Variants in THEMIS observed in about 807,000 individuals in gnomAD.
The protein encoded by THEMIS is protein THEMIS.
A neutral mutation model predicts 52.6 loss-of-function variants in THEMIS; 37 were observed. That is an observed-to-expected ratio of 0.70 (90% CI 0.54 to 0.93). THEMIS has a LOEUF of 0.93. Ranked by LOEUF, THEMIS falls within the 40% of genes least tolerant of loss-of-function variation. The pLI is 0.00. For missense variants in THEMIS, 808 were observed against 763.1 expected (o/e 1.06, Z -0.69); for synonymous variants, 292 against 272.7 (o/e 1.07, Z -0.70).
chr6:127,889,338 T>C (rs985060016), intron 1 of THEMIS, among the ~76,000 whole-genome samples: 1 of 152,070 alleles, frequency 6.6e-6, no homozygotes, highest in Non-Finnish European at 1.5e-5. Context: ...ATGAACACCA[T>C]TTTTTTCCTC....
intron 4 of THEMIS, among the ~76,000 whole-genome samples, chr6:127,732,195 T>A (rs912117319): frequency 1.3e-5 from 2 of 151,990 alleles, no homozygotes; most frequent in African/African-American, 4.8e-5. Context: ...GTGGCTAATA[T>A]CACATAACAT....
chr6:127,890,729 A>T (rs952632729), intron 1 of THEMIS, among the ~76,000 whole-genome samples: 3 of 152,138 alleles, frequency 2.0e-5, no homozygotes, highest in Non-Finnish European at 4.4e-5. Flanking sequence ...ATTAATTTAA[A>T]AACTAGCTAG....
chr6:127,718,969 C>T (rs112211672), intron 5 of THEMIS, among the ~76,000 whole-genome samples: 6 of 151,322 alleles, frequency 4.0e-5, no homozygotes, highest in Non-Finnish European at 7.4e-5. Context: ...AGCTACAAAA[C>T]CAAATAAGGA....
intron 1 of THEMIS, among the ~76,000 whole-genome samples, chr6:127,909,559 C>T (rs1781359933): frequency 6.6e-6 from 1 of 152,136 alleles, no homozygotes; most frequent in Non-Finnish European, 1.5e-5. Context: ...AACTGTGAAT[C>T]AATTAAACCT....
chr6:127,803,405 T>G (rs1037003769), intron 4 of THEMIS, among the ~76,000 whole-genome samples: 28 of 152,186 alleles, frequency 1.8e-4, no homozygotes, highest in African/African-American at 6.3e-4. Context: ...TTTCTTTTTT[T>G]TCTAAATTTT....
At chr6:127,870,747 C>G (rs1780131802) in intron 1 of THEMIS, among the ~76,000 whole-genome samples, 1 of 152,076 alleles carries the variant, frequency 6.6e-6, no homozygotes, top group African/African-American at 2.4e-5. Flanking sequence ...CAGAGAAAAA[C>G]ATTACATAAT....
chr6:127,886,972 G>C (rs1305093759), intron 1 of THEMIS, among the ~76,000 whole-genome samples: 1 of 151,894 alleles, frequency 6.6e-6, no homozygotes, highest in African/African-American at 2.4e-5. Context: ...TCTCAGGTTA[G>C]GTAACATGAT....
intron 2 of THEMIS, among the ~76,000 whole-genome samples, chr6:127,839,088 C>A (rs1413470306): frequency 6.6e-6 from 1 of 151,944 alleles, no homozygotes; most frequent in Non-Finnish European, 1.5e-5. Flanking sequence ...GTGATTTTTA[C>A]AATTACTCTC....
chr6:127,735,241 G>A (rs999615447), intron 4 of THEMIS, among the ~76,000 whole-genome samples: 1 of 151,820 alleles, frequency 6.6e-6, no homozygotes, highest in Admixed American at 6.6e-5. Context: ...AATGCGGGGC[G>A]TCTAACCTTT....
At chr6:127,853,142 C>T (rs896593329) in intron 2 of THEMIS, among the ~76,000 whole-genome samples, 2 of 151,610 alleles carry the variant, frequency 1.3e-5, no homozygotes, top group African/African-American at 4.8e-5. Context: ...GATTCTGCCT[C>T]AGCAAACTTG....
chr6:127,833,556 C>T (rs1778771751), intron 2 of THEMIS, among the ~76,000 whole-genome samples: 1 of 152,168 alleles, frequency 6.6e-6, no homozygotes, highest in Admixed American at 6.5e-5. Flanking sequence ...GCATGTATGA[C>T]TTACAAGGAC....
At chr6:127,706,461 A>G (rs565532330), downstream of THEMIS, among the ~76,000 whole-genome samples, 1 of 152,234 alleles carries the variant, frequency 6.6e-6, no homozygotes, top group East Asian at 1.9e-4. Context: ...TTGAGTTCTC[A>G]TATTCCTAAC....
intron 4 of THEMIS, among the ~76,000 whole-genome samples, chr6:127,765,630 T>G (rs1045189735): frequency 2.6e-5 from 4 of 152,128 alleles, no homozygotes; most frequent in Admixed American, 2.6e-4. Context: ...CAATGGTGAT[T>G]CCATAAGATT....
At chr6:127,739,057 T>G (rs1313378915) in intron 4 of THEMIS, among the ~76,000 whole-genome samples, 3 of 152,170 alleles carry the variant, frequency 2.0e-5, no homozygotes, top group Non-Finnish European at 4.4e-5. Context: ...ATCTTCACAT[T>G]GACTTTTCTG....
intron 5 of THEMIS, among the ~76,000 whole-genome samples, chr6:127,712,827 A>G (rs527833102): frequency 5.9e-4 from 90 of 152,064 alleles, no homozygotes; most frequent in Middle Eastern, 3.4e-3. Flanking sequence ...ATAAAATTAC[A>G]TGGGTAATTA....
intron 1 of THEMIS, among the ~76,000 whole-genome samples, chr6:127,870,000 C>A (rs180786236): frequency 2.4e-4 from 37 of 152,266 alleles, no homozygotes; most frequent in African/African-American, 5.1e-4. Flanking sequence ...TGGGTGGTGT[C>A]AGAAAAGGCA....
rs144597143 is a variant in THEMIS at position 127,859,489 on chromosome 6, G to GT, written c.92-4302dup. ...TACCTCCCCCACAGCTAGTAAAACA[G>GT]TTTTTTTTATCACTTATTAGATGAT... On this transcript the variant is annotated intron_variant, in intron 1 of 5. Coordinates refer to ENST00000368248, the MANE Select transcript of THEMIS (RefSeq NM_001010923.3). Among the ~76,000 whole-genome samples the GT allele has an allele frequency of 5.9e-3, 890 of 151,900 alleles. 10 individuals are homozygous for GT. The highest frequency in any genetic ancestry group is 5.1e-3 in the Non-Finnish European group (345 of 67,938).
intron 4 of THEMIS, among the ~76,000 whole-genome samples, chr6:127,786,341 A>T (rs962086181): frequency 6.6e-6 from 1 of 152,224 alleles, no homozygotes; most frequent in Admixed American, 6.5e-5. Flanking sequence ...AACATTATCA[A>T]CTGCTATGGT....
At chr6:127,880,571 T>C (rs568544443) in intron 1 of THEMIS, among the ~76,000 whole-genome samples, 1 of 133,006 alleles carries the variant, frequency 7.5e-6, no homozygotes, top group African/African-American at 2.8e-5. Context: ...AAAGACAAAT[T>C]AAAAAAAAAA....
Sources: gnomAD v4.1 joint callset for allele counts (sites outside exome capture counted in the v4.1 genomes callset) on GRCh38, gnomAD v4.1.1 for gene constraint, MANE v1.5 for transcripts, NCBI Gene and HGNC (gene_info 2026-07-23, HGNC 2026-07-21) for gene names.